Variants in SIX4 observed in about 807,000 individuals in gnomAD.
The protein encoded by SIX4 is homeobox protein SIX4.
SIX4 carries 23 observed loss-of-function variants against 51.5 expected under a neutral mutation model. The observed-to-expected ratio is 0.45, with a 90% CI of 0.32 to 0.63. The LOEUF is 0.63. SIX4 is among the 30% of genes least tolerant of loss of function. SIX4 has a pLI of 0.04. For missense variants in SIX4, 867 were observed against 984.0 expected (o/e 0.88, Z 1.59); for synonymous variants, 413 against 417.3 (o/e 0.99, Z 0.13).
Position 60,713,951 on chromosome 14 carries a change from C to T in SIX4, c.1802G>A (p.Gly601Glu). The T allele has an allele frequency of 6.2e-7, 1 of 1,614,012 alleles. No homozygotes were observed. The highest frequency in any genetic ancestry group is 8.5e-7 in the Non-Finnish European group (1 of 1,179,984). ...NANLSSENIS[G>E]SGLHPLASSL... ...GGAGGCCAGTGGATGCAGGCCACTC[C>T]CCGAGATGTTTTCAGAAGACAGGTT... Residue 601 changes from glycine (G) to glutamate (E), a missense_variant, in exon 3 of 3, where the codon GGG (glycine) becomes GAG (glutamate). Coordinates refer to ENST00000216513, the MANE Select transcript of SIX4 (RefSeq NM_017420.5).
chr14:60,715,014 C>A (rs1000576243), intron 2 of SIX4, among the ~76,000 whole-genome samples: 2 of 149,232 alleles, frequency 1.3e-5, no homozygotes, highest in African/African-American at 2.5e-5. Flanking sequence ...GGGGCATGTG[C>A]GCATGTTTGT....
rs893383357 is a variant in SIX4, at chr14:60,723,043, C to T, written c.863+169G>A. ...GTTCCCCCGCCCCCCGCCTCCGCCG[C>T]CCCCTACCTCTGCCGGCCGGGGAGC... On this transcript the variant is annotated intron_variant, in intron 1 of 2. Coordinates refer to ENST00000216513, the MANE Select transcript of SIX4 (RefSeq NM_017420.5). The T allele has an allele frequency of 2.8e-6, 4 of 1,404,680 alleles. No homozygotes were observed. The South Asian group carries it at 4.7e-5, about 17-fold the overall frequency. The allele number at this position is 1,404,680 out of a possible 1,614,324, so 87.0% of individuals were successfully genotyped here. A position where few individuals can be genotyped will look rare whatever the true frequency, so the allele number is the denominator to read the frequency against.
In SIX4 at chr14:60,720,283, T is replaced by G. The variant is rs566830583; in HGVS notation, c.1026A>C (p.Ser342=). The G allele has an allele frequency of 1.9e-6, 3 of 1,614,228 alleles. No homozygotes were observed. In the East Asian group the frequency reaches 6.7e-5, roughly 36 times the overall value. The part of the protein sequence containing the change: ...YMQQIGNAKI[S]LSSSGVLLNG... ...TCAACAGAACTCCAGAAGAGCTTAA[T>G]GATATCTTAGCATTTCCAATTTGTT... The change falls in exon 2 of 3, where the codon TCA becomes TCC. Residue 342 remains serine (S), a synonymous_variant. Transcript: ENST00000216513. This position sits in a 1 kb window ranked among gnomAD's most constrained non-coding sequence, Gnocchi z 5.5.
At position 60,710,630 on chromosome 14, in the gene SIX4, G is replaced by T. The variant is rs1182464803; in HGVS notation, c.*2777C>A. On this transcript the variant is annotated 3_prime_UTR_variant, in exon 3 of 3. Transcript: ENST00000216513. ...TTGGTTTATGTAAGAGGGAAATTCT[G>T]CCACATGACTCCAAGGGTTCTGAGT... 1 of 152,558 alleles carries T rather than the reference G, an allele frequency of 6.6e-6. No individual in the cohort carries two copies. The highest frequency in any genetic ancestry group is 1.5e-5 in the Non-Finnish European group (1 of 68,030). 9.5% of individuals were successfully genotyped at this position (152,558 alleles called of 1,614,324 possible). A position where few individuals can be genotyped will look rare whatever the true frequency, so the allele number is the denominator to read the frequency against.
In SIX4 at chr14:60,722,862, G is replaced by A. The variant is rs1555370229; in HGVS notation, c.863+350C>T. On this transcript the variant is annotated intron_variant, in intron 1 of 2. Transcript: ENST00000216513. This position sits in a 1 kb window ranked among gnomAD's most constrained non-coding sequence, Gnocchi z 5.9. ...GCCGGTGTCCACATTTGCTTCGTTA[G>A]CCCCTCCAGAAACGGGGAGAGGGTG... is the stretch of plus-strand genomic sequence containing the variant. 6.8e-6 allele frequency among the ~76,000 whole-genome samples: 1 copy of A among 147,354 alleles called. No homozygotes were observed. Among genetic ancestry groups the A allele is most frequent in the Non-Finnish European group, 1.5e-5 (1 of 67,340 alleles).
At chr14:60,714,972 TAAAAAAAA>T (rs11449594) in intron 2 of SIX4, among the ~76,000 whole-genome samples, 2 of 129,334 alleles carry the variant, frequency 1.5e-5, no homozygotes, top group African/African-American at 2.9e-5. Flanking sequence ...GCCCTTTCTT[TAAAAAAAA>T]AAAAAAAAAA....
At chr14:60,721,059 C>T (rs1264940214) in intron 1 of SIX4, 3 of 985,676 alleles carry the variant, frequency 3.0e-6, no homozygotes, top group African/African-American at 3.5e-5. Flanking sequence ...GGAAAAGGCA[C>T]TTTCAACCCA....
At chr14:60,721,438 G>T (rs1387856300) in intron 1 of SIX4, among the ~76,000 whole-genome samples, 1 of 152,246 alleles carries the variant, frequency 6.6e-6, no homozygotes, top group Non-Finnish European at 1.5e-5. Context: ...TCGCTTTCAT[G>T]CCGAGGGGAG....
intron 1 of SIX4, among the ~76,000 whole-genome samples, chr14:60,721,586 C>G (rs890519856): frequency 2.6e-4 from 36 of 140,758 alleles, no homozygotes; most frequent in Non-Finnish European, 2.5e-4. Flanking sequence ...GGAGAGGGGC[C>G]TAAACCAGGC....
In SIX4 at chr14:60,723,835, C is replaced by A. The variant is rs750648116; in HGVS notation, c.240G>T (p.Ala80=). The part of the protein sequence containing the change: ...GAVAAAAAGA[A]ADQVQLHSEL... ...CCGAGTGGAGTTGTACCTGATCCGC[C>A]GCCGCTCCGGCCGCCGCCGCCGCCA... The change falls in exon 1 of 3, where the codon GCG becomes GCT. Residue 80 remains alanine (A), a synonymous_variant. Coordinates refer to ENST00000216513, the MANE Select transcript of SIX4 (RefSeq NM_017420.5). 1.3e-6 allele frequency: 2 copies of A among 1,521,796 alleles called. No homozygotes were observed. The highest frequency in any genetic ancestry group is 2.8e-5 in the African/African-American group (2 of 70,724). The allele number at this position is 1,521,796 out of a possible 1,614,324, so 94.3% of individuals were successfully genotyped here. A position where few individuals can be genotyped will look rare whatever the true frequency, so the allele number is the denominator to read the frequency against.
intron 1 of SIX4, chr14:60,721,195 G>A (rs1024543034): frequency 2.0e-6 from 2 of 977,828 alleles, no homozygotes; most frequent in African/African-American, 3.5e-5. Context: ...CTAACTATTA[G>A]ACCTCTTCCC....
chr14:60,723,455 T>C lies in SIX4; in HGVS notation c.620A>G (p.Lys207Arg). Reference protein sequence around the residue: ...ARGRPLGAVDKYRLRRKFPLP... With the variant: ...ARGRPLGAVDRYRLRRKFPLP... ...GGGGAATTTCCTGCGCAGCCGGTAC[T>C]TGTCTACGGCTCCCAGCGGCCGGCC... is the stretch of plus-strand genomic sequence containing the variant. The change falls in exon 1 of 3, where the codon AAG becomes AGG. Residue 207 changes from lysine (K) to arginine (R), a missense_variant. By Grantham distance (26) the Lys-to-Arg change is conservative. Coordinates refer to ENST00000216513, the MANE Select transcript of SIX4 (RefSeq NM_017420.5). The C allele has an allele frequency of 6.2e-7, 1 of 1,609,358 alleles. No homozygotes were observed. The highest frequency in any genetic ancestry group is 8.5e-7 in the Non-Finnish European group (1 of 1,179,894).
Position 60,713,467 on chromosome 14 carries a change from GTC to G in SIX4, c.2284_2285del (p.Asp762GlnfsTer14). 6.2e-7 allele frequency: 1 copy of G among 1,612,902 alleles called. No homozygotes were observed. The highest frequency in any genetic ancestry group is 8.5e-7 in the Non-Finnish European group (1 of 1,179,718). On this transcript the variant is annotated frameshift_variant, in exon 3 of 3. Coordinates refer to ENST00000216513, the MANE Select transcript of SIX4 (RefSeq NM_017420.5). LOFTEE classifies it high-confidence loss of function. ...TCTGGAGCTTGGCAAGCTCTTTTTT[GTC>G]TGTTTCCAGGTCTTCACAGACAGTA... is the stretch of plus-strand genomic sequence containing the variant. ...VDTVCEDLET[D>X]KKELAKLQTV...
chr14:60,713,476 C>T lies in SIX4; in HGVS notation c.2277G>A (p.Leu759=), dbSNP rs758964854. Reference sequence around the variant, plus strand: ...TGGCAAGCTCTTTTTTGTCTGTTTCCAGGTCTTCACAGACAGTATCAACCA... The same window carrying T: ...TGGCAAGCTCTTTTTTGTCTGTTTCTAGGTCTTCACAGACAGTATCAACCA... The part of the protein sequence containing the change: ...DGMVDTVCED[L]ETDKKELAKL... The change falls in exon 3 of 3, where the codon CTG becomes CTA. Residue 759 remains leucine, a synonymous_variant. Transcript: ENST00000216513. 6 of 1,614,094 alleles carry T rather than the reference C, an allele frequency of 3.7e-6. No individual in the cohort carries two copies. The highest frequency in any genetic ancestry group is 5.1e-6 in the Non-Finnish European group (6 of 1,179,994).
chr14:60,712,200 T>A lies in SIX4; in HGVS notation c.*1207A>T. The A allele has an allele frequency of 6.5e-6, 1 of 152,772 alleles. No individual in the cohort carries two copies. Among genetic ancestry groups the A allele is most frequent in the East Asian group, 1.9e-4 (1 of 5,192 alleles). 9.5% of individuals were successfully genotyped at this position (152,772 alleles called of 1,614,324 possible). On this transcript the variant is annotated 3_prime_UTR_variant, in exon 3 of 3. Transcript: ENST00000216513. Reference sequence around the variant, plus strand: ...CCTGTATAATCAATTTGACATGGTATTTATAACTTATTTTCCTTGTAATGA... The same window carrying A: ...CCTGTATAATCAATTTGACATGGTAATTATAACTTATTTTCCTTGTAATGA...
chr14:60,723,579 A>G lies in SIX4; in HGVS notation c.496T>C (p.Tyr166His). ...AAGCTGTGGCTCTCGAGGATGCTGTAGAGCTCGGGGTAGATGCCCTGGTGG... is the reference window on the plus strand; with the variant it reads ...AAGCTGTGGCTCTCGAGGATGCTGTGGAGCTCGGGGTAGATGCCCTGGTGG... Reference protein sequence around the residue: ...AFHQGIYPELYSILESHSFES... With the variant: ...AFHQGIYPELHSILESHSFES... The change falls in exon 1 of 3, where the codon TAC becomes CAC. Residue 166 changes from tyrosine to histidine, a missense_variant. Coordinates refer to ENST00000216513, the MANE Select transcript of SIX4 (RefSeq NM_017420.5). 3 of 1,611,196 alleles carry G rather than the reference A, an allele frequency of 1.9e-6. No individual in the cohort carries two copies. Among genetic ancestry groups the G allele is most frequent in the Non-Finnish European group, 2.5e-6 (3 of 1,179,508 alleles).
At chr14:60,721,397 TC>T (rs1896016163) in intron 1 of SIX4, among the ~76,000 whole-genome samples, 1 of 152,156 alleles carries the variant, frequency 6.6e-6, no homozygotes, top group Non-Finnish European at 1.5e-5. Context: ...CAGCAGAGGA[TC>T]CGACATCCCC....
chr14:60,716,467 G>A (rs1459078328), intron 2 of SIX4, among the ~76,000 whole-genome samples: 1 of 151,726 alleles, frequency 6.6e-6, no homozygotes, highest in Non-Finnish European at 1.5e-5. Context: ...TGGTCAGGCT[G>A]GTCTCAAACT....
intron 2 of SIX4, among the ~76,000 whole-genome samples, chr14:60,718,395 C>T (rs1895958881): frequency 6.6e-6 from 1 of 152,126 alleles, no homozygotes; most frequent in South Asian, 2.1e-4. Flanking sequence ...TAATAATTTT[C>T]TATGGCAGTG....
Sources: gnomAD v4.1 joint callset for allele counts (sites outside exome capture counted in the v4.1 genomes callset) on GRCh38, gnomAD v4.1.1 for gene constraint, Gnocchi (gnomAD v3.1) non-coding constraint, MANE v1.5 for transcripts, NCBI Gene and HGNC (gene_info 2026-07-23, HGNC 2026-07-21) for gene names.